Variants in PRKCQ observed in about 807,000 individuals in gnomAD.
PRKCQ encodes protein kinase C theta type.
PRKCQ carries 41 observed loss-of-function variants against 91.2 expected under a neutral mutation model. The observed-to-expected ratio is 0.45, with a 90% CI of 0.35 to 0.58. The LOEUF (loss-of-function observed/expected upper bound fraction) is 0.58. Among genes scored for constraint, PRKCQ ranks in the 20% least tolerant of loss-of-function variants. The pLI is 0.00. For missense variants in PRKCQ, 673 were observed against 896.5 expected (o/e 0.75, Z 3.18); for synonymous variants, 307 against 316.9 (o/e 0.97, Z 0.33).
Position 6,465,596 on chromosome 10 carries a change from T to A in PRKCQ, c.1354-1192A>T, listed in dbSNP as rs1835609198. Among the ~76,000 whole-genome samples the A allele has an allele frequency of 6.6e-6, 1 of 152,250 alleles. No homozygotes were observed. Among genetic ancestry groups the A allele is most frequent in the Non-Finnish European group, 1.5e-5 (1 of 68,050 alleles). On this transcript the variant is annotated intron_variant, in intron 12 of 17. Coordinates refer to ENST00000263125, the MANE Select transcript of PRKCQ (RefSeq NM_006257.5). The surrounding 1 kb of genome is among the most constrained non-coding windows in gnomAD (Gnocchi z 4.4). ...CGGTGCGTCTGGGCATGAATTTGCATCTGAAAGTCTCACCTGGGTGGTTTC... is the reference window on the plus strand; with the variant it reads ...CGGTGCGTCTGGGCATGAATTTGCAACTGAAAGTCTCACCTGGGTGGTTTC...
Position 6,486,043 on chromosome 10 carries a change from T to G in PRKCQ, c.892A>C (p.Thr298Pro). The G allele has an allele frequency of 6.2e-7, 1 of 1,613,638 alleles. No individual in the cohort carries two copies. Among genetic ancestry groups the G allele is most frequent in the Non-Finnish European group, 8.5e-7 (1 of 1,179,910 alleles). The change falls in exon 9 of 18, where the codon ACT becomes CCT. Residue 298 changes from threonine (T) to proline (P), a missense_variant. By Grantham distance (38) the Thr-to-Pro change is conservative. Coordinates refer to ENST00000263125, the MANE Select transcript of PRKCQ (RefSeq NM_006257.5). ...ACGGCACATGCTCCTACCTGTTGAGTGCTCTCAATCATGGCCAGCGCTTCA... is the reference window on the plus strand; with the variant it reads ...ACGGCACATGCTCCTACCTGTTGAGGGCTCTCAATCATGGCCAGCGCTTCA... ...MAEALAMIES[T>P]QQARCLRDTE... is the part of the protein sequence containing the mutation.
At chr10:6,433,759 G>T (rs974081945) in intron 16 of PRKCQ, among the ~76,000 whole-genome samples, 1 of 152,064 alleles carries the variant, frequency 6.6e-6, no homozygotes. Context: ...GGCTGGGCAC[G>T]GTGGCTCATG....
chr10:6,432,169 G>C (rs764325958), intron 16 of PRKCQ, among the ~76,000 whole-genome samples: 2 of 152,118 alleles, frequency 1.3e-5, no homozygotes, highest in African/African-American at 2.4e-5. Context: ...GGTGGAACGC[G>C]TGATTTTCCA....
intron 1 of PRKCQ, among the ~76,000 whole-genome samples, chr10:6,539,178 GC>G (rs1331117116): frequency 6.6e-6 from 1 of 152,138 alleles, no homozygotes; most frequent in African/African-American, 2.4e-5. Context: ...CTAACATTCT[GC>G]CTCACTATAT....
intron 7 of PRKCQ, among the ~76,000 whole-genome samples, chr10:6,495,013 T>C (rs2130812349): frequency 6.6e-6 from 1 of 152,328 alleles, no homozygotes; most frequent in South Asian, 2.1e-4. Context: ...ACCTGCGGCA[T>C]CATCCTTATA....
chr10:6,472,520 C>T (rs1421756007), intron 12 of PRKCQ, among the ~76,000 whole-genome samples: 1 of 152,176 alleles, frequency 6.6e-6, no homozygotes, highest in Non-Finnish European at 1.5e-5. Flanking sequence ...AAATAAATAA[C>T]ATTTAAAAGG....
intron 1 of PRKCQ, among the ~76,000 whole-genome samples, chr10:6,541,705 CAACTA>C (rs1468995192): frequency 6.6e-6 from 1 of 152,124 alleles, no homozygotes; most frequent in East Asian, 1.9e-4. Context: ...TTTTTTTTAA[CAACTA>C]AACAGGAATC....
chr10:6,458,551 A>G (rs1416297248), intron 14 of PRKCQ, among the ~76,000 whole-genome samples: 1 of 152,118 alleles, frequency 6.6e-6, no homozygotes, highest in Non-Finnish European at 1.5e-5. Context: ...CTTTCATTCC[A>G]TCATGAGGTT....
chr10:6,470,421 C>T (rs550274387), intron 12 of PRKCQ, among the ~76,000 whole-genome samples: 1 of 152,310 alleles, frequency 6.6e-6, no homozygotes, highest in South Asian at 2.1e-4. Flanking sequence ...CGTGTCACCT[C>T]CTCAGGATGG....
intron 8 of PRKCQ, among the ~76,000 whole-genome samples, chr10:6,489,144 G>A (rs1029027235): frequency 2.0e-5 from 3 of 151,664 alleles, no homozygotes; most frequent in African/African-American, 7.3e-5. Context: ...CCACATTGTC[G>A]GCAAAACTCG....
intron 1 of PRKCQ, among the ~76,000 whole-genome samples, chr10:6,558,422 T>C (rs563886637): frequency 1.3e-5 from 2 of 152,326 alleles, no homozygotes; most frequent in Admixed American, 6.5e-5. Context: ...AGGAGTTACA[T>C]ACTGAAACCC....
At chr10:6,580,288 G>GC (rs1244655705), upstream of PRKCQ, 813 of 55,804 alleles carry the variant, frequency 0.015, 10 homozygotes, top group African/African-American at 0.031. Context: ...CGCGGGGACT[G>GC]GCGGGGCTGG....
the PRKCQ span, among the ~76,000 whole-genome samples, chr10:6,404,938 C>CTT: frequency 4.1e-5 from 2 of 48,902 alleles, no homozygotes; most frequent in South Asian, 9.3e-4. Flanking sequence ...CCTTCCCTTC[C>CTT]CTTCCTTCCT....
At chr10:6,402,247 T>A in the PRKCQ span, among the ~76,000 whole-genome samples, 1 of 151,794 alleles carries the variant, frequency 6.6e-6, no homozygotes, top group African/African-American at 2.4e-5. Context: ...TACCTAATGT[T>A]GATGGGTGCA....
chr10:6,543,468 C>T (rs977538689), intron 1 of PRKCQ, among the ~76,000 whole-genome samples: 5 of 152,184 alleles, frequency 3.3e-5, no homozygotes, highest in Non-Finnish European at 7.3e-5. Flanking sequence ...AGAAATGTGT[C>T]TGTCATGACT....
intron 1 of PRKCQ, among the ~76,000 whole-genome samples, chr10:6,519,933 G>A (rs183507447): frequency 2.0e-5 from 3 of 152,218 alleles, no homozygotes; most frequent in East Asian, 3.9e-4. Context: ...TTCCATACAC[G>A]CCAAAGACTG....
At chr10:6,474,936 C>A (rs1022722387) in intron 12 of PRKCQ, among the ~76,000 whole-genome samples, 6 of 152,046 alleles carry the variant, frequency 3.9e-5, no homozygotes, top group African/African-American at 1.5e-4. Context: ...TCAAGCCCTG[C>A]AGACTTTGTA....
downstream of PRKCQ, among the ~76,000 whole-genome samples, chr10:6,424,443 G>A (rs1833071136): frequency 2.0e-5 from 3 of 152,274 alleles, no homozygotes; most frequent in South Asian, 2.1e-4. Flanking sequence ...CTCTCCTTCC[G>A]CAGTCCGATG....
At position 6,491,767 on chromosome 10, in the gene PRKCQ, C is replaced by G; in HGVS notation, c.706G>C (p.Val236Leu). 1 of 1,614,222 alleles carries G rather than the reference C, an allele frequency of 6.2e-7. No homozygotes were observed. Among genetic ancestry groups the G allele is most frequent in the Non-Finnish European group, 8.5e-7 (1 of 1,180,028 alleles). The change falls in exon 8 of 18, where the codon GTC becomes CTC. Residue 236 changes from valine (V) to leucine (L), a missense_variant. By Grantham distance (32) the Val-to-Leu change is conservative (BLOSUM62 1). Coordinates refer to ENST00000263125, the MANE Select transcript of PRKCQ (RefSeq NM_006257.5). ...AAGGTCGGGCTCTTGTAATTGTAGA[C>G]TTTAAATCTGTGTGGCATGTCAATT... ...FKIDMPHRFK[V>L]YNYKSPTFCE...
Sources: gnomAD v4.1 joint callset for allele counts (sites outside exome capture counted in the v4.1 genomes callset) on GRCh38, gnomAD v4.1.1 for gene constraint, Gnocchi (gnomAD v3.1) non-coding constraint, MANE v1.5 for transcripts, NCBI Gene and HGNC (gene_info 2026-07-23, HGNC 2026-07-21) for gene names.